The following DNAJC3 variants were observed in gnomAD, a reference collection of about 807,000 sequenced individuals.
DNAJC3 encodes DnaJ heat shock protein family (Hsp40) member C3, also known as dnaJ homolog subfamily C member 3.
DNAJC3 carries 38 observed loss-of-function variants against 68.6 expected under a neutral mutation model. That is an observed-to-expected ratio of 0.55 (90% CI 0.43 to 0.73). The LOEUF (loss-of-function observed/expected upper bound fraction) is 0.73. Among genes scored for constraint, DNAJC3 ranks in the 30% least tolerant of loss-of-function variants. The pLI is 0.00. For missense variants in DNAJC3, 526 were observed against 591.9 expected (o/e 0.89, Z 1.16); for synonymous variants, 203 against 204.0 (o/e 1.00, Z 0.04).
chr13:95,713,905 C>A (rs551970518), intron 2 of DNAJC3, among the ~76,000 whole-genome samples: 2 of 152,182 alleles, frequency 1.3e-5, no homozygotes, highest in Non-Finnish European at 2.9e-5. Context: ...AGGACACTTA[C>A]AAACTTTTCC....
chr13:95,744,420 A>C (rs1291815683), intron 4 of DNAJC3, among the ~76,000 whole-genome samples: 2 of 152,248 alleles, frequency 1.3e-5, no homozygotes, highest in Non-Finnish European at 2.9e-5. Flanking sequence ...ACAATTTTGT[A>C]TGCATGTAAG....
At chr13:95,737,883 C>G (rs1322321788) in intron 4 of DNAJC3, among the ~76,000 whole-genome samples, 1 of 109,834 alleles carries the variant, frequency 9.1e-6, no homozygotes, top group Non-Finnish European at 1.8e-5. Context: ...TGTGTTTGCT[C>G]TTGCTTTTCT....
chr13:95,688,990 A>G (rs1280696895), intron 1 of DNAJC3, among the ~76,000 whole-genome samples: 1 of 148,802 alleles, frequency 6.7e-6, no homozygotes, highest in African/African-American at 2.5e-5. Flanking sequence ...TTAGTTTGCT[A>G]GTATTTTGTT....
intron 1 of DNAJC3, among the ~76,000 whole-genome samples, chr13:95,703,097 ATTT>A (rs1167987481): frequency 6.6e-6 from 1 of 152,184 alleles, no homozygotes; most frequent in African/African-American, 2.4e-5. Context: ...ATATTGAACC[ATTT>A]CTCTTAGGGG....
intron 2 of DNAJC3, among the ~76,000 whole-genome samples, chr13:95,719,163 A>C (rs1181329641): frequency 1.3e-5 from 2 of 152,252 alleles, no homozygotes; most frequent in Admixed American, 1.3e-4. Flanking sequence ...ACAGACGAAC[A>C]ACCAAATAGA....
At chr13:95,733,866 C>G (rs1280340424) in intron 4 of DNAJC3, among the ~76,000 whole-genome samples, 1 of 152,020 alleles carries the variant, frequency 6.6e-6, no homozygotes, top group East Asian at 1.9e-4. Flanking sequence ...AAGGAAGTTT[C>G]TTGTAAGTGC....
intron 4 of DNAJC3, among the ~76,000 whole-genome samples, chr13:95,735,505 T>C (rs1300379862): frequency 4.7e-5 from 7 of 149,616 alleles, no homozygotes; most frequent in Non-Finnish European, 8.9e-5. Flanking sequence ...TTTTTAATGA[T>C]TGCCATTCTA....
chr13:95,764,707 CATATATATATACACAT>C (rs1882936903), intron 9 of DNAJC3, among the ~76,000 whole-genome samples: 1 of 49,674 alleles, frequency 2.0e-5, no homozygotes, highest in African/African-American at 7.4e-5. Context: ...TATATATATA[CATATATATATACACAT>C]ATATATATAT....
intron 9 of DNAJC3, among the ~76,000 whole-genome samples, chr13:95,768,782 C>T (rs1474899925): frequency 6.6e-6 from 1 of 152,088 alleles, no homozygotes; most frequent in African/African-American, 2.4e-5. Flanking sequence ...CGAGACCAGC[C>T]TGGTCAACAT....
At chr13:95,760,261 G>T in intron 6 of DNAJC3, 40 bp downstream of exon 6, 1 of 1,438,888 alleles carries the variant, frequency 6.9e-7, no homozygotes, top group Non-Finnish European at 9.2e-7. Context: ...TTTTTTAATT[G>T]TTGGCAGTAA....
At chr13:95,744,227 TA>T (rs1593998003) in intron 4 of DNAJC3, among the ~76,000 whole-genome samples, 1 of 152,228 alleles carries the variant, frequency 6.6e-6, no homozygotes, top group East Asian at 1.9e-4. Context: ...TTTATATTTT[TA>T]CTGTGATTGT....
At chr13:95,677,383 GC>G (rs762067972) in intron 1 of DNAJC3, 46 bp downstream of exon 1, 5 of 1,532,116 alleles carry the variant, frequency 3.3e-6, no homozygotes, top group South Asian at 1.2e-5. Context: ...CCCGGACCAG[GC>G]CCCCCGCGCT....
At chr13:95,694,747 T>TA (rs1208375159) in intron 1 of DNAJC3, 5 of 152,642 alleles carry the variant, frequency 3.3e-5, no homozygotes, top group African/African-American at 7.2e-5. Context: ...CCGGACACCT[T>TA]AACTGCTTTC....
intron 1 of DNAJC3, among the ~76,000 whole-genome samples, chr13:95,705,534 TA>T (rs1880710496): frequency 4.6e-5 from 7 of 151,196 alleles, no homozygotes; most frequent in African/African-American, 1.7e-4. Flanking sequence ...TTTTTTTTTT[TA>T]ATTTTGTTTC....
At chr13:95,698,841 T>C (rs760100331) in intron 1 of DNAJC3, among the ~76,000 whole-genome samples, 1 of 152,150 alleles carries the variant, frequency 6.6e-6, no homozygotes, top group Non-Finnish European at 1.5e-5. Context: ...GAGTATAAAG[T>C]AAGAGGTAGA....
chr13:95,731,478 G>A (rs1881705650), intron 4 of DNAJC3, among the ~76,000 whole-genome samples: 1 of 152,060 alleles, frequency 6.6e-6, no homozygotes, highest in African/African-American at 2.4e-5. Flanking sequence ...TTCCTTCTGT[G>A]CCTAGTTTGT....
At chr13:95,737,171 C>A (rs1034878842) in intron 4 of DNAJC3, among the ~76,000 whole-genome samples, 5 of 150,652 alleles carry the variant, frequency 3.3e-5, no homozygotes, top group Non-Finnish European at 5.9e-5. Context: ...GGGATGAAGC[C>A]CACTTGATCA....
chr13:95,777,739 A>G (rs1281801405), intron 9 of DNAJC3, among the ~76,000 whole-genome samples: 1 of 152,238 alleles, frequency 6.6e-6, no homozygotes, highest in Non-Finnish European at 1.5e-5. Flanking sequence ...ATACTTCAGT[A>G]TCCCACTTTC....
intron 5 of DNAJC3, among the ~76,000 whole-genome samples, chr13:95,758,201 G>A (rs1200361345): frequency 1.3e-5 from 2 of 152,122 alleles, no homozygotes; most frequent in South Asian, 2.1e-4. Context: ...ATAAAGAGTT[G>A]ATAGTATGTG....
Sources: gnomAD v4.1 joint callset for allele counts (sites outside exome capture counted in the v4.1 genomes callset) on GRCh38, gnomAD v4.1.1 for gene constraint, MANE v1.5 for transcripts, NCBI Gene and HGNC (gene_info 2026-07-23, HGNC 2026-07-21) for gene names.